The following RSRC1 variants were observed in gnomAD, a reference collection of about 807,000 sequenced individuals.
The protein encoded by RSRC1 is serine/Arginine-related protein 53.
RSRC1 carries 39 observed loss-of-function variants against 49.1 expected under a neutral mutation model. That is an observed-to-expected ratio of 0.79 (90% confidence interval 0.61 to 1.04). The LOEUF (loss-of-function observed/expected upper bound fraction) is 1.04. Ranked by LOEUF, RSRC1 falls within the 50% of genes least tolerant of loss-of-function variation. RSRC1 has a pLI of 0.00. For missense variants in RSRC1, 388 were observed against 402.4 expected, an observed-to-expected ratio of 0.96 and a Z score of 0.31; for synonymous variants, 143 against 130.8, an observed-to-expected ratio of 1.09 and a Z score of -0.63.
At chr3:158,522,916 C>G (rs1015236389) in intron 7 of RSRC1, among the ~76,000 whole-genome samples, 1 of 151,888 alleles carries the variant, frequency 6.6e-6, no homozygotes, top group African/African-American at 2.4e-5. Context: ...CACTCATTGA[C>G]CAAAAAAGAA....
intron 4 of RSRC1, among the ~76,000 whole-genome samples, chr3:158,263,653 A>G (rs1182032721): frequency 6.6e-6 from 1 of 151,978 alleles, no homozygotes; most frequent in Non-Finnish European, 1.5e-5. Context: ...TTGGGCCTGG[A>G]TTTTTCTTTG....
chr3:158,316,438 ATTTTTTTTT>A (rs564633575), intron 5 of RSRC1, among the ~76,000 whole-genome samples: 1 of 72,240 alleles, frequency 1.4e-5, no homozygotes, highest in Non-Finnish European at 2.4e-5. Context: ...AGAATCTCTC[ATTTTTTTTT>A]TTTTTTTTTT....
intron 7 of RSRC1, among the ~76,000 whole-genome samples, chr3:158,517,322 A>T (rs1220494393): frequency 2.6e-5 from 4 of 151,986 alleles, no homozygotes; most frequent in Non-Finnish European, 5.9e-5. Flanking sequence ...GTCTCTTTCC[A>T]CTTGTTATAT....
chr3:158,126,512 TCA>T (rs1559910220), intron 3 of RSRC1, among the ~76,000 whole-genome samples: 2 of 152,214 alleles, frequency 1.3e-5, no homozygotes, highest in African/African-American at 4.8e-5. Flanking sequence ...GTTATTGATA[TCA>T]CAGTTTACAT....
At chr3:158,393,477 G>C (rs1733435317) in intron 6 of RSRC1, among the ~76,000 whole-genome samples, 1 of 151,352 alleles carries the variant, frequency 6.6e-6, no homozygotes, top group Non-Finnish European at 1.5e-5. Flanking sequence ...AATGACAAAG[G>C]GGACATTACT....
chr3:158,235,943 C>G (rs1723216314), intron 4 of RSRC1, among the ~76,000 whole-genome samples: 1 of 151,986 alleles, frequency 6.6e-6, no homozygotes. Flanking sequence ...TGGTGAAACC[C>G]TGCATCTACT....
intron 4 of RSRC1, among the ~76,000 whole-genome samples, chr3:158,231,846 T>C (rs1390686523): frequency 1.3e-5 from 2 of 152,118 alleles, no homozygotes; most frequent in African/African-American, 4.8e-5. Context: ...CATTCAAGAG[T>C]CTATTACTTT....
intron 3 of RSRC1, among the ~76,000 whole-genome samples, chr3:158,126,074 A>ATG (rs776702025): frequency 2.0e-5 from 3 of 151,940 alleles, no homozygotes; most frequent in Non-Finnish European, 2.9e-5. Flanking sequence ...TTTTCAGTAT[A>ATG]TGTGTGTCTT....
chr3:158,453,741 T>C (rs1737174838), intron 6 of RSRC1, among the ~76,000 whole-genome samples: 1 of 152,068 alleles, frequency 6.6e-6, no homozygotes, highest in Non-Finnish European at 1.5e-5. Context: ...CCGCAGAAAA[T>C]TACTGATTTC....
At chr3:158,265,839 G>A (rs1725142096) in intron 4 of RSRC1, among the ~76,000 whole-genome samples, 1 of 152,180 alleles carries the variant, frequency 6.6e-6, no homozygotes, top group Non-Finnish European at 1.5e-5. Flanking sequence ...CATAGGATTA[G>A]TTTCTATATT....
At chr3:158,111,512 C>A (rs919587467) in intron 1 of RSRC1, among the ~76,000 whole-genome samples, 8 of 152,154 alleles carry the variant, frequency 5.3e-5, no homozygotes, top group Non-Finnish European at 8.8e-5. Flanking sequence ...TATGATTGAT[C>A]ATGCTTTTTT....
At chr3:158,388,907 C>A (rs970783813) in intron 6 of RSRC1, among the ~76,000 whole-genome samples, 1 of 152,126 alleles carries the variant, frequency 6.6e-6, no homozygotes, top group Non-Finnish European at 1.5e-5. Flanking sequence ...CTGCACCTAA[C>A]CCAAATTAGT....
At chr3:158,486,534 A>G (rs1188567029) in intron 7 of RSRC1, among the ~76,000 whole-genome samples, 1 of 152,204 alleles carries the variant, frequency 6.6e-6, no homozygotes, top group Non-Finnish European at 1.5e-5. Flanking sequence ...AAATGCTGGT[A>G]GACTGCTTGT....
intron 5 of RSRC1, among the ~76,000 whole-genome samples, chr3:158,322,164 A>AT (rs1444910365): frequency 2.6e-5 from 4 of 152,052 alleles, no homozygotes; most frequent in South Asian, 4.2e-4. Context: ...TGATTTCTTG[A>AT]TTTTTTGTTT....
intron 6 of RSRC1, among the ~76,000 whole-genome samples, chr3:158,432,506 C>T (rs943975781): frequency 3.3e-5 from 5 of 151,430 alleles, no homozygotes; most frequent in African/African-American, 1.2e-4. Flanking sequence ...ATTTTTTTTC[C>T]TCAAAAATCT....
At chr3:158,123,390 A>T (rs1715414601) in intron 2 of RSRC1, among the ~76,000 whole-genome samples, 1 of 152,128 alleles carries the variant, frequency 6.6e-6, no homozygotes, top group East Asian at 1.9e-4. Context: ...TTTTGGACTC[A>T]AGGGATCCTC....
chr3:158,221,579 G>T (rs553587531), intron 4 of RSRC1, among the ~76,000 whole-genome samples: 1 of 151,386 alleles, frequency 6.6e-6, no homozygotes, highest in Non-Finnish European at 1.5e-5. Flanking sequence ...TTAGGAGTTC[G>T]TAAGTCATTA....
intron 7 of RSRC1, among the ~76,000 whole-genome samples, chr3:158,502,654 C>T (rs1330795084): frequency 6.6e-6 from 1 of 152,104 alleles, no homozygotes; most frequent in East Asian, 1.9e-4. Context: ...TTCAATTCTA[C>T]TGCTGAGAAT....
At chr3:158,238,114 A>T (rs1723344346) in intron 4 of RSRC1, among the ~76,000 whole-genome samples, 1 of 152,210 alleles carries the variant, frequency 6.6e-6, no homozygotes, top group Admixed American at 6.5e-5. Context: ...ACTCCCATTC[A>T]CAATTGCTGC....
Sources: allele counts gnomAD v4.1 joint callset (sites outside exome capture counted in the v4.1 genomes callset), GRCh38; gene constraint gnomAD v4.1.1; transcripts MANE v1.5; gene names NCBI Gene and HGNC (gene_info 2026-07-23, HGNC 2026-07-21).